Variants in PPP1R1C observed in about 807,000 individuals in gnomAD.
The protein encoded by PPP1R1C is protein phosphatase 1 regulatory inhibitor subunit 1C, also known as protein phosphatase 1 regulatory subunit 1C.
In PPP1R1C, 15 loss-of-function variants were observed where a neutral mutation model predicts 17.4. That is an observed-to-expected ratio of 0.86 (90% CI 0.58 to 1.33). The LOEUF (loss-of-function observed/expected upper bound fraction) is 1.33, where lower values mean the gene tolerates loss of function less well. PPP1R1C is among the 40% of genes most tolerant of loss of function. The pLI, the probability that PPP1R1C is intolerant of heterozygous loss-of-function variation, is 0.00. For missense variants in PPP1R1C, 143 were observed against 130.0 expected, an observed-to-expected ratio of 1.10 and a Z score of -0.48; for synonymous variants, 35 against 43.1, an observed-to-expected ratio of 0.81 and a Z score of 0.73.
At chr2:182,056,936 A>G (rs1217013423) in intron 2 of PPP1R1C, among the ~76,000 whole-genome samples, 6 of 152,134 alleles carry the variant, frequency 3.9e-5, no homozygotes, top group Non-Finnish European at 7.4e-5. Flanking sequence ...TAGCATTTGA[A>G]CCTAGTACAT....
intron 4 of PPP1R1C, among the ~76,000 whole-genome samples, chr2:182,087,846 T>C (rs1316775710): frequency 6.6e-6 from 1 of 152,210 alleles, no homozygotes; most frequent in East Asian, 1.9e-4. Flanking sequence ...TGCTCAAAAT[T>C]GGAAATACTT....
chr2:181,968,422 A>G (rs1381183960), intron 1 of PPP1R1C, among the ~76,000 whole-genome samples: 4 of 152,184 alleles, frequency 2.6e-5, no homozygotes, highest in Non-Finnish European at 5.9e-5. Context: ...TCTTGCTAAA[A>G]TGGACCTCTT....
At chr2:182,088,139 C>T (rs1292208778) in intron 4 of PPP1R1C, among the ~76,000 whole-genome samples, 6 of 152,050 alleles carry the variant, frequency 3.9e-5, no homozygotes, top group Admixed American at 3.3e-4. Flanking sequence ...TTAAAGCCTA[C>T]ATCCATTTCC....
At chr2:182,047,351 C>T (rs1336799210) in intron 2 of PPP1R1C, among the ~76,000 whole-genome samples, 1 of 152,026 alleles carries the variant, frequency 6.6e-6, no homozygotes, top group African/African-American at 2.4e-5. Flanking sequence ...GGATTAAATG[C>T]ACATTGAATA....
intron 2 of PPP1R1C, among the ~76,000 whole-genome samples, chr2:181,994,364 G>C (rs1350694809): frequency 6.6e-6 from 1 of 152,010 alleles, no homozygotes. Flanking sequence ...TACTCTTGTT[G>C]CTCAATTTTC....
intron 2 of PPP1R1C, among the ~76,000 whole-genome samples, chr2:182,038,155 A>G (rs1391559548): frequency 2.0e-5 from 3 of 151,972 alleles, no homozygotes; most frequent in Non-Finnish European, 4.4e-5. Flanking sequence ...CTTCCACCTC[A>G]GTCTCCCAAG....
At chr2:182,097,644 CAGAA>C (rs1688981514) in intron 4 of PPP1R1C, among the ~76,000 whole-genome samples, 1 of 152,152 alleles carries the variant, frequency 6.6e-6, no homozygotes, top group South Asian at 2.1e-4. Context: ...TATTTTGTGA[CAGAA>C]ACAAGGCCTG....
intron 2 of PPP1R1C, among the ~76,000 whole-genome samples, chr2:182,001,353 TTG>T (rs1217330651): frequency 6.6e-6 from 1 of 152,112 alleles, no homozygotes; most frequent in East Asian, 1.9e-4. Flanking sequence ...TGAGCGTGTT[TTG>T]TTTAATGACC....
At chr2:182,064,408 T>C (rs901209828) in intron 4 of PPP1R1C, among the ~76,000 whole-genome samples, 38 of 152,078 alleles carry the variant, frequency 2.5e-4, no homozygotes, top group Non-Finnish European at 1.2e-4. Flanking sequence ...CACACTGAAA[T>C]GTTCTTGATT....
At chr2:182,006,019 T>C (rs1685913211) in intron 2 of PPP1R1C, among the ~76,000 whole-genome samples, 1 of 148,984 alleles carries the variant, frequency 6.7e-6, no homozygotes, top group South Asian at 2.1e-4. Flanking sequence ...AGTTTGGAAG[T>C]TGTTGAAACA....
chr2:182,122,489 A>G (rs1157905752), downstream of PPP1R1C, among the ~76,000 whole-genome samples: 2 of 152,208 alleles, frequency 1.3e-5, no homozygotes, highest in Non-Finnish European at 2.9e-5. Flanking sequence ...AAATTTAGTA[A>G]AAGTGGTACC....
At chr2:182,084,692 A>G (rs1015674949) in intron 4 of PPP1R1C, among the ~76,000 whole-genome samples, 4 of 152,156 alleles carry the variant, frequency 2.6e-5, no homozygotes, top group African/African-American at 9.6e-5. Context: ...GAAGTTGGCT[A>G]ATGTGATGCC....
At chr2:182,035,452 C>T (rs1423772396) in intron 2 of PPP1R1C, among the ~76,000 whole-genome samples, 1 of 152,108 alleles carries the variant, frequency 6.6e-6, no homozygotes, top group East Asian at 1.9e-4. Context: ...ATAGAATTTA[C>T]TTCTTGGCAT....
intron 4 of PPP1R1C, among the ~76,000 whole-genome samples, chr2:182,081,240 G>A (rs1574436030): frequency 6.6e-6 from 1 of 152,148 alleles, no homozygotes; most frequent in South Asian, 2.1e-4. Context: ...GCCAACTGGT[G>A]TCCATATTTA....
chr2:181,968,201 T>G (rs556037198), intron 1 of PPP1R1C, among the ~76,000 whole-genome samples: 1 of 152,364 alleles, frequency 6.6e-6, no homozygotes, highest in South Asian at 2.1e-4. Flanking sequence ...TGTAAATATC[T>G]TTTGGGACCA....
Position 182,061,442 on chromosome 2 carries a change from A to G in PPP1R1C, c.143A>G (p.Glu48Gly). The G allele has an allele frequency of 1.4e-6, 2 of 1,469,188 alleles. No individual in the cohort carries two copies. Among genetic ancestry groups the G allele is most frequent in the Non-Finnish European group, 1.8e-6 (2 of 1,105,636 alleles). 91.0% of individuals were successfully genotyped at this position (1,469,188 alleles called of 1,614,324 possible). A position where few individuals can be genotyped will look rare whatever the true frequency, so the allele number is the denominator to read the frequency against. The change falls in exon 3 of 5, where the codon GAA (glutamate) becomes GGA (glycine). Residue 48 changes from glutamate (E) to glycine (G), a missense_variant and splice_region_variant. Glu to Gly is a moderately conservative substitution (Grantham distance 98). Transcript: ENST00000682840. ...TACATTCTACCTACTTCTCTTACAGAAATAGATGACAAGAGGGGGCCCAAC... is the reference window on the plus strand; with the variant it reads ...TACATTCTACCTACTTCTCTTACAGGAATAGATGACAAGAGGGGGCCCAAC... Reference protein sequence around the residue: ...LVILNEHNPPEIDDKRGPNTQ... With the variant: ...LVILNEHNPPGIDDKRGPNTQ...
intron 4 of PPP1R1C, among the ~76,000 whole-genome samples, chr2:182,083,530 C>A (rs1207285489): frequency 6.6e-6 from 1 of 152,058 alleles, no homozygotes; most frequent in East Asian, 1.9e-4. Flanking sequence ...CTTCCCATTC[C>A]TGAGTCACTT....
intron 4 of PPP1R1C, among the ~76,000 whole-genome samples, chr2:182,077,906 C>T (rs895231175): frequency 5.3e-5 from 8 of 152,180 alleles, no homozygotes; most frequent in Non-Finnish European, 4.4e-5. Context: ...CCTTGCCGGG[C>T]GTGGTGGCTC....
chr2:182,111,253 ATAGC>A lies in PPP1R1C; in HGVS notation c.242-5953_242-5950del, dbSNP rs1689408083. Among the ~76,000 whole-genome samples the A allele has an allele frequency of 2.0e-5, 3 of 152,320 alleles. 1 individual carries two copies. In the South Asian group the frequency reaches 6.2e-4, roughly 32 times the overall value. ...AAAAATATACAAAACATACTTATGA[ATAGC>A]ACATAAACATGTTGTCCCTATTTCC... On this transcript the variant is annotated intron_variant, in intron 4 of 4. Coordinates refer to ENST00000682840, the MANE Select transcript of PPP1R1C (RefSeq NM_001080545.3).
Sources: gnomAD v4.1 joint callset for allele counts (sites outside exome capture counted in the v4.1 genomes callset) on GRCh38, gnomAD v4.1.1 for gene constraint, MANE v1.5 for transcripts, NCBI Gene and HGNC (gene_info 2026-07-23, HGNC 2026-07-21) for gene names.